Variants in FAXC observed in about 807,000 individuals in gnomAD.
FAXC encodes failed axon connections homolog, metaxin like GST domain containing.
Under a neutral mutation model 41.9 loss-of-function variants are expected in FAXC, and 10 were observed. The ratio of observed to expected loss-of-function variants is 0.24; its 90% CI spans 0.15 to 0.41. The LOEUF is 0.41. FAXC is among the 10% of genes least tolerant of loss of function. The probability of loss-of-function intolerance (pLI) is 1.00; values close to 1 mark genes in which losing one functional copy is unlikely to be tolerated. For missense variants in FAXC, 399 were observed against 510.9 expected (o/e 0.78, Z 2.11); for synonymous variants, 183 against 183.8 (o/e 1.00, Z 0.03).
At chr6:99,292,195 AC>A (rs1163215108) in intron 4 of FAXC, among the ~76,000 whole-genome samples, 1 of 152,132 alleles carries the variant, frequency 6.6e-6, no homozygotes, top group African/African-American at 2.4e-5. Flanking sequence ...CTCAAAAGTA[AC>A]CCAAAGCAAG....
chr6:99,312,232 G>C (rs569679798), intron 4 of FAXC, among the ~76,000 whole-genome samples: 1 of 152,298 alleles, frequency 6.6e-6, no homozygotes, highest in South Asian at 2.1e-4. Flanking sequence ...CATTAGAAGA[G>C]GGTGCAAGGT....
At position 99,281,392 on chromosome 6, in the gene FAXC, C is replaced by T; in HGVS notation, c.1002G>A (p.Trp334Ter). The T allele has an allele frequency of 6.2e-7, 1 of 1,614,130 alleles. No homozygotes were observed. Among genetic ancestry groups the T allele is most frequent in the Non-Finnish European group, 8.5e-7 (1 of 1,180,006 alleles). The change falls in exon 6 of 6, where the codon TGG becomes TGA. Residue 334 changes from tryptophan (W) to a stop codon, truncating the protein, a stop_gained. Coordinates refer to ENST00000389677, the MANE Select transcript of FAXC (RefSeq NM_032511.4). LOFTEE classifies it high-confidence loss of function. ...ERIRRKFWPEWHHDDDNTIYE... is the reference protein window; with the variant it reads ...ERIRRKFWPE ...AGATGGTATTGTCATCATCGTGGTG[C>T]CACTCTGGCCAAAATTTCCTCCTTA... is the stretch of plus-strand genomic sequence containing the variant.
chr6:99,330,958 T>C (rs1773006037), intron 3 of FAXC, among the ~76,000 whole-genome samples: 1 of 152,178 alleles, frequency 6.6e-6, no homozygotes, highest in East Asian at 1.9e-4. Context: ...GGGTCTTTTC[T>C]CCATTGGGAT....
chr6:99,307,672 G>A (rs913079104), intron 4 of FAXC, among the ~76,000 whole-genome samples: 2 of 152,128 alleles, frequency 1.3e-5, no homozygotes, highest in Non-Finnish European at 2.9e-5. Flanking sequence ...AGTTAAGTCT[G>A]GAGCTGGCCT....
In FAXC at chr6:99,281,378, T is replaced by C. The variant is rs1365850235; in HGVS notation, c.1016A>G (p.Asp339Gly). 1.2e-6 allele frequency: 2 copies of C among 1,614,180 alleles called. No individual in the cohort carries two copies. The highest frequency in any genetic ancestry group is 8.5e-7 in the Non-Finnish European group (1 of 1,180,022). Residue 339 changes from aspartate to glycine, a missense_variant, in exon 6 of 6, where the codon GAC becomes GGC. Physicochemically the swap from Asp to Gly is moderately conservative, Grantham distance 94. Transcript: ENST00000389677. The part of the protein sequence containing the change: ...KFWPEWHHDD[D>G]NTIYESEESS... ...CTCCTCAGACTCATAGATGGTATTGTCATCATCGTGGTGCCACTCTGGCCA... is the reference window on the plus strand; with the variant it reads ...CTCCTCAGACTCATAGATGGTATTGCCATCATCGTGGTGCCACTCTGGCCA...
At chr6:99,325,548 T>G (rs1446913920) in intron 3 of FAXC, among the ~76,000 whole-genome samples, 2 of 152,240 alleles carry the variant, frequency 1.3e-5, no homozygotes, top group African/African-American at 4.8e-5. Flanking sequence ...AGTCGGAGCA[T>G]TCCATTGATC....
chr6:99,337,860 G>T (rs1327433672), intron 2 of FAXC, among the ~76,000 whole-genome samples: 3 of 151,868 alleles, frequency 2.0e-5, no homozygotes, highest in Admixed American at 6.6e-5. Flanking sequence ...ATTCCATTTA[G>T]GTTAAAAAAT....
At chr6:99,290,381 G>A (rs549447574) in intron 5 of FAXC, among the ~76,000 whole-genome samples, 5 of 152,124 alleles carry the variant, frequency 3.3e-5, no homozygotes, top group African/African-American at 1.2e-4. Context: ...CTAAGATTGT[G>A]TTTCTTTGGT....
At chr6:99,320,547 T>C (rs1772548832) in intron 4 of FAXC, among the ~76,000 whole-genome samples, 1 of 152,164 alleles carries the variant, frequency 6.6e-6, no homozygotes, top group African/African-American at 2.4e-5. Flanking sequence ...CCCCACAACA[T>C]CAACAGAGCC....
At chr6:99,319,987 C>T (rs1772532818) in intron 4 of FAXC, among the ~76,000 whole-genome samples, 2 of 152,196 alleles carry the variant, frequency 1.3e-5, no homozygotes, top group Non-Finnish European at 2.9e-5. Flanking sequence ...CTTTCCAATA[C>T]AAAGATATAT....
chr6:99,334,339 T>C (rs975250906), intron 2 of FAXC, among the ~76,000 whole-genome samples: 3 of 152,232 alleles, frequency 2.0e-5, no homozygotes, highest in Non-Finnish European at 4.4e-5. Context: ...GTTAGTCATA[T>C]TGCCTTTGTG....
intron 4 of FAXC, among the ~76,000 whole-genome samples, chr6:99,322,986 T>C (rs762301724): frequency 1.3e-5 from 2 of 152,202 alleles, no homozygotes; most frequent in Non-Finnish European, 2.9e-5. Flanking sequence ...GTTCCACATA[T>C]ACAGGGAATG....
intron 4 of FAXC, among the ~76,000 whole-genome samples, chr6:99,311,590 A>AATAC (rs960919493): frequency 1.1e-4 from 17 of 152,244 alleles, no homozygotes; most frequent in African/African-American, 3.1e-4. Context: ...TAAATAAATA[A>AATAC]ATACATACAT....
intron 4 of FAXC, among the ~76,000 whole-genome samples, chr6:99,312,960 G>C (rs1487590863): frequency 6.6e-6 from 1 of 152,180 alleles, no homozygotes; most frequent in East Asian, 1.9e-4. Flanking sequence ...TTGATTGACA[G>C]AGAAGTGCCT....
intron 3 of FAXC, among the ~76,000 whole-genome samples, chr6:99,331,529 G>A (rs1773023665): frequency 6.6e-6 from 1 of 152,212 alleles, no homozygotes; most frequent in Non-Finnish European, 1.5e-5. Flanking sequence ...AAAAAATAGT[G>A]ATGTGTGGTA....
Position 99,271,635 on chromosome 6 carries a change from C to T in FAXC, c.*9529G>A, listed in dbSNP as rs1055593056. On this transcript the variant is annotated 3_prime_UTR_variant, in exon 6 of 6. Coordinates refer to ENST00000389677, the MANE Select transcript of FAXC (RefSeq NM_032511.4). ...AAATATTTCAAAATCTGAGAAAAAC[C>T]CAGATCCAAAACACTTCTGGTCCCA... 3 of 152,090 alleles carry T rather than the reference C, an allele frequency of 2.0e-5. No individual in the cohort carries two copies. The highest frequency in any genetic ancestry group is 7.2e-5 in the African/African-American group (3 of 41,396). 9.4% of individuals were successfully genotyped at this position (152,090 alleles called of 1,614,324 possible).
intron 5 of FAXC, among the ~76,000 whole-genome samples, chr6:99,282,244 C>A (rs1435090793): frequency 6.6e-6 from 1 of 152,104 alleles, no homozygotes; most frequent in Non-Finnish European, 1.5e-5. Context: ...ATACGTCAAA[C>A]TGTTGGTTGC....
chr6:99,297,096 T>G (rs1771528385), intron 4 of FAXC, among the ~76,000 whole-genome samples: 1 of 152,204 alleles, frequency 6.6e-6, no homozygotes, highest in Non-Finnish European at 1.5e-5. Context: ...TCATGGATCA[T>G]TGGTTATAAG....
intron 4 of FAXC, among the ~76,000 whole-genome samples, chr6:99,315,907 T>C (rs978113835): frequency 6.7e-6 from 1 of 149,328 alleles, no homozygotes; most frequent in Non-Finnish European, 1.5e-5. Flanking sequence ...TATATGACTG[T>C]ATCTCCCAAA....
Sources: allele counts gnomAD v4.1 joint callset (sites outside exome capture counted in the v4.1 genomes callset), GRCh38; gene constraint gnomAD v4.1.1; transcripts MANE v1.5; gene names NCBI Gene and HGNC (gene_info 2026-07-23, HGNC 2026-07-21).